ADCY8: variants seen among roughly 807,000 people sequenced by gnomAD.
ADCY8 encodes adenylate cyclase 8, also known as adenylate cyclase type 8.
A neutral mutation model predicts 119.7 loss-of-function variants in ADCY8; 51 were observed. That is an observed-to-expected ratio of 0.43 (90% CI 0.34 to 0.54). ADCY8 has a LOEUF of 0.54. ADCY8 is among the 20% of genes least tolerant of loss of function. The pLI is 0.03. For synonymous variants in ADCY8, 665 were observed against 651.0 expected, an observed-to-expected ratio of 1.02 and a Z score of -0.33; for missense variants, 1,383 against 1,598.8, an observed-to-expected ratio of 0.87 and a Z score of 2.30.
At chr8:130,829,526 T>C (rs1253897194) in intron 12 of ADCY8, among the ~76,000 whole-genome samples, 1 of 152,194 alleles carries the variant, frequency 6.6e-6, no homozygotes, top group Admixed American at 6.5e-5. Flanking sequence ...CTAAAGACAA[T>C]AGTTGGTTGT....
rs199631888 is a variant in ADCY8, at chr8:130,780,697, C to T, written c.3449G>A (p.Arg1150Gln). Reference sequence around the variant, plus strand: ...GATACCCTTCACATAGATCTCCCCTCGGTAATCAAAGGCAAAGCCCTGGTC... The same window carrying T: ...GATACCCTTCACATAGATCTCCCCTTGGTAATCAAAGGCAAAGCCCTGGTC... ...LKDQGFAFDYRGEIYVKGISE... is the reference protein window; with the variant it reads ...LKDQGFAFDYQGEIYVKGISE... Residue 1150 changes from arginine (R) to glutamine (Q), a missense_variant, in exon 18 of 18, where the codon CGA becomes CAA. By Grantham distance (43) the Arg-to-Gln change is conservative. Coordinates refer to ENST00000286355, the MANE Select transcript of ADCY8 (RefSeq NM_001115.3). The T allele has an allele frequency of 2.5e-5, 41 of 1,614,052 alleles. No homozygotes were observed. Among genetic ancestry groups the T allele is most frequent in the Non-Finnish European group, 3.1e-5 (37 of 1,180,030 alleles).
chr8:130,910,984 AGAG>A (rs1465483449), intron 5 of ADCY8, among the ~76,000 whole-genome samples: 1 of 152,250 alleles, frequency 6.6e-6, no homozygotes, highest in Non-Finnish European at 1.5e-5. Flanking sequence ...AATGCTTAAA[AGAG>A]TTGTCAGACT....
intron 5 of ADCY8, among the ~76,000 whole-genome samples, chr8:130,916,509 A>C (rs1460262000): frequency 6.6e-6 from 1 of 152,236 alleles, no homozygotes; most frequent in Non-Finnish European, 1.5e-5. Flanking sequence ...TGTTGGGAGC[A>C]AGCCCCTCAA....
intron 15 of ADCY8, 132 bp downstream of exon 15, chr8:130,800,294 T>C: frequency 1.0e-6 from 1 of 990,330 alleles, no homozygotes; most frequent in South Asian, 1.4e-5. Flanking sequence ...ATAATACATG[T>C]TTGTGTTTAT....
chr8:130,990,033 T>A lies in ADCY8; in HGVS notation c.1110+360A>T, dbSNP rs556086974. ...TTTGAATTGGTAAACAGAAAAAAAA[T>A]GTCTGAAATAACACATTTACAGTTT... On this transcript the variant is annotated intron_variant, in intron 2 of 17. Transcript: ENST00000286355. 2.6e-5 allele frequency among the ~76,000 whole-genome samples: 4 copies of A among 152,276 alleles called. No individual in the cohort carries two copies. In the East Asian group the frequency reaches 7.7e-4, roughly 29 times the overall value.
intron 8 of ADCY8, among the ~76,000 whole-genome samples, chr8:130,868,816 C>A (rs1431431577): frequency 6.6e-6 from 1 of 152,164 alleles, no homozygotes; most frequent in Non-Finnish European, 1.5e-5. Flanking sequence ...CTAAGTGTCA[C>A]TTTGGAACTT....
At chr8:131,024,116 C>T (rs1357285853) in intron 1 of ADCY8, among the ~76,000 whole-genome samples, 1 of 152,096 alleles carries the variant, frequency 6.6e-6, no homozygotes, top group Non-Finnish European at 1.5e-5. Flanking sequence ...CAGCAATGGC[C>T]CAGGGCACCA....
At chr8:130,970,177 G>C (rs1186598664) in intron 2 of ADCY8, among the ~76,000 whole-genome samples, 1 of 152,102 alleles carries the variant, frequency 6.6e-6, no homozygotes, top group Non-Finnish European at 1.5e-5. Flanking sequence ...GACTGGTACT[G>C]GTCCACGGCC....
intron 7 of ADCY8, among the ~76,000 whole-genome samples, chr8:130,897,729 C>T (rs1819447477): frequency 1.8e-3 from 1 of 558 alleles, no homozygotes; most frequent in South Asian, 0.17. Context: ...ACATCACACA[C>T]ATACAACACA....
intron 3 of ADCY8, among the ~76,000 whole-genome samples, chr8:130,945,715 G>A (rs1821087403): frequency 6.6e-6 from 1 of 152,174 alleles, no homozygotes; most frequent in Non-Finnish European, 1.5e-5. Flanking sequence ...AAAATAATAT[G>A]GCCATTCATT....
chr8:130,962,366 G>A (rs1174293826), intron 2 of ADCY8, among the ~76,000 whole-genome samples: 1 of 152,138 alleles, frequency 6.6e-6, no homozygotes, highest in African/African-American at 2.4e-5. Flanking sequence ...TCTGGCTTTG[G>A]GGATCAGAAG....
intron 1 of ADCY8, among the ~76,000 whole-genome samples, chr8:131,009,264 C>A (rs1823224209): frequency 1.3e-5 from 2 of 152,140 alleles, no homozygotes; most frequent in Admixed American, 6.5e-5. Flanking sequence ...GGCCAAGGGC[C>A]CCCCTGCTGC....
intron 2 of ADCY8, among the ~76,000 whole-genome samples, chr8:130,963,376 A>T (rs1364938872): frequency 6.6e-6 from 1 of 152,234 alleles, no homozygotes; most frequent in Non-Finnish European, 1.5e-5. Flanking sequence ...TGGTACCTGA[A>T]GGACAGAAGG....
chr8:130,999,244 A>G (rs1381249565), intron 1 of ADCY8, among the ~76,000 whole-genome samples: 1 of 152,148 alleles, frequency 6.6e-6, no homozygotes, highest in African/African-American at 2.4e-5. Context: ...TTTTGTGATC[A>G]CCGGAAAGTG....
intron 9 of ADCY8, among the ~76,000 whole-genome samples, chr8:130,856,022 C>T (rs1817719323): frequency 6.6e-6 from 1 of 152,034 alleles, no homozygotes; most frequent in Non-Finnish European, 1.5e-5. Context: ...ATGAACTTCA[C>T]AACTCCTATC....
At chr8:131,033,243 C>T (rs1348637785) in intron 1 of ADCY8, among the ~76,000 whole-genome samples, 1 of 152,172 alleles carries the variant, frequency 6.6e-6, no homozygotes. Context: ...AAATTAGCAT[C>T]TTAAGAAATA....
chr8:130,905,577 T>C, intron 6 of ADCY8, among the ~76,000 whole-genome samples: 1 of 152,178 alleles, frequency 6.6e-6, no homozygotes, highest in East Asian at 1.9e-4. Context: ...AAAAAAAATT[T>C]AGAGTGGCTT....
At chr8:131,027,704 A>G (rs779148793) in intron 1 of ADCY8, among the ~76,000 whole-genome samples, 10 of 152,174 alleles carry the variant, frequency 6.6e-5, no homozygotes, top group Non-Finnish European at 1.2e-4. Context: ...TAAGCTTAGC[A>G]GATAAAACTG....
intron 2 of ADCY8, among the ~76,000 whole-genome samples, chr8:130,985,464 A>G (rs1310512306): frequency 6.6e-6 from 1 of 152,220 alleles, no homozygotes; most frequent in African/African-American, 2.4e-5. Flanking sequence ...GATAACAGAT[A>G]AGGCTGAACA....
Sources: gnomAD v4.1 joint callset for allele counts (sites outside exome capture counted in the v4.1 genomes callset) on GRCh38, gnomAD v4.1.1 for gene constraint, MANE v1.5 for transcripts, NCBI Gene and HGNC (gene_info 2026-07-23, HGNC 2026-07-21) for gene names.